The following PBX1 variants were observed in gnomAD, a reference collection of about 807,000 sequenced individuals.
PBX1 encodes pre-B-cell leukemia transcription factor 1.
Under a neutral mutation model 53.4 loss-of-function variants are expected in PBX1, and 6 were observed. The ratio of observed to expected loss-of-function variants is 0.11; its 90% CI spans 0.06 to 0.22. PBX1 has a LOEUF of 0.22. Ranked by LOEUF, PBX1 falls within the 10% of genes least tolerant of loss-of-function variation. The probability of loss-of-function intolerance (pLI) is 1.00; values close to 1 mark genes in which losing one functional copy is unlikely to be tolerated. For missense variants in PBX1, 251 were observed against 551.4 expected (o/e 0.46, Z 5.46); for synonymous variants, 204 against 212.3 (o/e 0.96, Z 0.34).
At chr1:164,724,670 ATTTTTTTTTTTTTT>A (rs59042806) in intron 2 of PBX1, among the ~76,000 whole-genome samples, 788 of 48,174 alleles carry the variant, frequency 0.016, 16 homozygotes, top group African/African-American at 0.048. Flanking sequence ...ATAGCTGCAG[ATTTTTTTTTTTTTT>A]TTTTTTTTTT....
At chr1:164,837,267 A>T (rs1378626084) in intron 8 of PBX1, among the ~76,000 whole-genome samples, 4 of 152,240 alleles carry the variant, frequency 2.6e-5, no homozygotes, top group Non-Finnish European at 5.9e-5. Context: ...ATCAAAGGTT[A>T]TAAAAATGAA....
At chr1:164,882,458 A>T (rs556043943) in intron 2 of PBX1, among the ~76,000 whole-genome samples, 2 of 152,214 alleles carry the variant, frequency 1.3e-5, no homozygotes, top group Non-Finnish European at 2.9e-5. Flanking sequence ...TCCATACGTA[A>T]GTTCATACAT....
At chr1:164,705,553 C>T (rs1483995753) in intron 2 of PBX1, among the ~76,000 whole-genome samples, 1 of 152,144 alleles carries the variant, frequency 6.6e-6, no homozygotes, top group Non-Finnish European at 1.5e-5. Context: ...TGGATATAAT[C>T]ACTTATGAAA....
At chr1:164,633,956 G>C (rs761554919) in intron 2 of PBX1, among the ~76,000 whole-genome samples, 3 of 152,190 alleles carry the variant, frequency 2.0e-5, no homozygotes, top group Admixed American at 1.3e-4. Flanking sequence ...AAAAGGTTAT[G>C]TAATTTAATC....
At chr1:164,854,871 CA>C (rs1407914388), downstream of PBX1, among the ~76,000 whole-genome samples, 1 of 151,536 alleles carries the variant, frequency 6.6e-6, no homozygotes, top group African/African-American at 2.4e-5. Flanking sequence ...TACCCTCAGC[CA>C]AAATTCACTC....
intron 2 of PBX1, among the ~76,000 whole-genome samples, chr1:164,611,131 T>C (rs1323209703): frequency 6.6e-6 from 1 of 152,230 alleles, no homozygotes; most frequent in African/African-American, 2.4e-5. Flanking sequence ...TGCTTTTTTC[T>C]TTCTCAGATT....
At chr1:164,751,494 C>G (rs997227329) in intron 2 of PBX1, among the ~76,000 whole-genome samples, 2 of 151,800 alleles carry the variant, frequency 1.3e-5, no homozygotes, top group Non-Finnish European at 2.9e-5. Context: ...ATGTAAAACT[C>G]ACTCTTCTCA....
intron 2 of PBX1, among the ~76,000 whole-genome samples, chr1:164,634,900 C>T (rs1331769522): frequency 2.0e-5 from 3 of 152,040 alleles, no homozygotes; most frequent in African/African-American, 7.2e-5. Context: ...TCTATGTAGA[C>T]CTGTCCATTG....
intron 8 of PBX1, among the ~76,000 whole-genome samples, chr1:164,838,284 G>A (rs1378717799): frequency 6.6e-6 from 1 of 152,178 alleles, no homozygotes; most frequent in African/African-American, 2.4e-5. Flanking sequence ...GCCAGTGTAA[G>A]TTAAGCCATA....
chr1:164,668,229 G>A (rs894585267), intron 2 of PBX1, among the ~76,000 whole-genome samples: 8 of 152,128 alleles, frequency 5.3e-5, no homozygotes, highest in African/African-American at 1.9e-4. Context: ...TCACACCCAA[G>A]CGACCGGTCT....
At chr1:164,754,755 G>A (rs540038981) in intron 2 of PBX1, among the ~76,000 whole-genome samples, 1 of 152,310 alleles carries the variant, frequency 6.6e-6, no homozygotes, top group East Asian at 1.9e-4. Context: ...GATATGCTTC[G>A]TGATTTTTTT....
chr1:164,645,911 T>A (rs1008326586), intron 2 of PBX1, among the ~76,000 whole-genome samples: 1 of 152,280 alleles, frequency 6.6e-6, no homozygotes, highest in East Asian at 1.9e-4. Context: ...AGAACTGCAT[T>A]GAGAAGTGGA....
At chr1:164,695,791 T>TATA (rs1662768742) in intron 2 of PBX1, among the ~76,000 whole-genome samples, 1 of 152,198 alleles carries the variant, frequency 6.6e-6, no homozygotes. Flanking sequence ...CATAACTTAA[T>TATA]AGATAAAAGC....
At chr1:164,601,140 G>GAGAA (rs1208366113) in intron 2 of PBX1, among the ~76,000 whole-genome samples, 2 of 148,604 alleles carry the variant, frequency 1.3e-5, no homozygotes, top group South Asian at 4.3e-4. Context: ...TCGGGAGGCT[G>GAGAA]AGAAAGAATT....
intron 3 of PBX1, among the ~76,000 whole-genome samples, chr1:164,799,172 G>C (rs1305662060): frequency 6.6e-6 from 1 of 151,658 alleles, no homozygotes; most frequent in Admixed American, 6.5e-5. Context: ...AAATGATTAA[G>C]AAACTTTTTT....
chr1:164,561,273 T>C (rs899083520), intron 1 of PBX1, among the ~76,000 whole-genome samples: 6 of 152,200 alleles, frequency 3.9e-5, no homozygotes, highest in Non-Finnish European at 7.3e-5. Flanking sequence ...GAATCTGAGT[T>C]GAGAAAATGA....
chr1:164,635,912 G>T (rs114389418), intron 2 of PBX1, among the ~76,000 whole-genome samples: 1 of 152,292 alleles, frequency 6.6e-6, no homozygotes, highest in East Asian at 1.9e-4. Flanking sequence ...ATGTCTTGGT[G>T]TACCTTATTC....
At chr1:164,882,301 T>A (rs1672678305) in intron 2 of PBX1, among the ~76,000 whole-genome samples, 1 of 152,190 alleles carries the variant, frequency 6.6e-6, no homozygotes, top group Non-Finnish European at 1.5e-5. Context: ...GAAATGTGCC[T>A]GAGAGTCCAT....
At chr1:164,813,480 A>T (rs893166253) in intron 6 of PBX1, 1 of 152,218 alleles carries the variant, frequency 6.6e-6, no homozygotes, top group Non-Finnish European at 1.5e-5. Context: ...ATCAAAGCTA[A>T]CAGGTTCAAT....
Sources: allele counts gnomAD v4.1 joint callset (sites outside exome capture counted in the v4.1 genomes callset), GRCh38; gene constraint gnomAD v4.1.1; transcripts MANE v1.5; gene names NCBI Gene and HGNC (gene_info 2026-07-23, HGNC 2026-07-21).